Variants in TXNDC12 observed in about 807,000 individuals in gnomAD.
TXNDC12 encodes thioredoxin domain-containing protein 12.
In TXNDC12, 22 loss-of-function variants were observed where a neutral mutation model predicts 24.2. The observed-to-expected ratio is 0.91, with a 90% CI of 0.65 to 1.30. TXNDC12 has a LOEUF of 1.30. Ranked by LOEUF, TXNDC12 falls within the 50% of genes most tolerant of loss-of-function variation. The pLI, the probability that TXNDC12 is intolerant of heterozygous loss-of-function variation, is 0.00. For synonymous variants in TXNDC12, 58 were observed against 73.4 expected, an observed-to-expected ratio of 0.79 and a Z score of 1.07; for missense variants, 184 against 205.8, an observed-to-expected ratio of 0.89 and a Z score of 0.65.
intron 2 of TXNDC12, chr1:52,030,540 A>G (rs1430690815): frequency 6.6e-6 from 1 of 152,196 alleles, no homozygotes; most frequent in Non-Finnish European, 1.5e-5. Context: ...TCCATTTCAC[A>G]CATGAATCCT....
chr1:52,042,769 T>C (rs1452328301), intron 1 of TXNDC12, among the ~76,000 whole-genome samples: 1 of 152,168 alleles, frequency 6.6e-6, no homozygotes, highest in Non-Finnish European at 1.5e-5. Context: ...ATTACAGGCA[T>C]GTGCCACCAA....
chr1:52,025,779 A>G (rs1685663129), intron 4 of TXNDC12, among the ~76,000 whole-genome samples: 1 of 151,740 alleles, frequency 6.6e-6, no homozygotes, highest in Non-Finnish European at 1.5e-5. Flanking sequence ...TTAACTGTTA[A>G]TGTGTTCACA....
intron 1 of TXNDC12, among the ~76,000 whole-genome samples, chr1:52,049,258 C>G (rs970410257): frequency 6.6e-6 from 1 of 152,126 alleles, no homozygotes; most frequent in African/African-American, 2.4e-5. Flanking sequence ...CCAGTACTTC[C>G]CAAGCTGTTC....
At chr1:52,029,959 A>G (rs1685726695) in intron 2 of TXNDC12, among the ~76,000 whole-genome samples, 1 of 152,234 alleles carries the variant, frequency 6.6e-6, no homozygotes, top group Non-Finnish European at 1.5e-5. Flanking sequence ...ATTGTGCTGT[A>G]TATGCATTAT....
chr1:52,046,627 G>A (rs1686094452), intron 1 of TXNDC12, among the ~76,000 whole-genome samples: 1 of 152,078 alleles, frequency 6.6e-6, no homozygotes, highest in African/African-American at 2.4e-5. Flanking sequence ...TGTAATCCCA[G>A]CACTTTTGGA....
At chr1:52,043,009 C>T (rs1686023591) in intron 1 of TXNDC12, among the ~76,000 whole-genome samples, 1 of 152,206 alleles carries the variant, frequency 6.6e-6, no homozygotes, top group Non-Finnish European at 1.5e-5. Flanking sequence ...ATCTGCCAGC[C>T]TCCTCAGCCT....
At chr1:52,027,066 A>G (rs1244705884) in intron 4 of TXNDC12, among the ~76,000 whole-genome samples, 1 of 151,942 alleles carries the variant, frequency 6.6e-6, no homozygotes, top group African/African-American at 2.4e-5. Context: ...ATCTTATTCA[A>G]TCTCTCCTCT....
At chr1:52,023,285 C>T (rs1186082996) in intron 6 of TXNDC12, 3 of 452,570 alleles carry the variant, frequency 6.6e-6, no homozygotes, top group Non-Finnish European at 1.2e-5. Flanking sequence ...TTCTTCACAG[C>T]TGCCTGTGGG....
chr1:52,027,831 CTATTAT>C (rs949994394), intron 3 of TXNDC12, among the ~76,000 whole-genome samples: 2 of 149,504 alleles, frequency 1.3e-5, no homozygotes, highest in African/African-American at 4.9e-5. Context: ...ACATACATTC[CTATTAT>C]TATTATTATT....
intron 2 of TXNDC12, chr1:52,030,400 GTTCT>G (rs1204940623): frequency 6.6e-6 from 1 of 152,184 alleles, no homozygotes; most frequent in Non-Finnish European, 1.5e-5. Context: ...CAAAACCAAT[GTTCT>G]TTCTGACGGT....
At chr1:52,048,793 G>A (rs1374681185) in intron 1 of TXNDC12, among the ~76,000 whole-genome samples, 1 of 152,154 alleles carries the variant, frequency 6.6e-6, no homozygotes, top group East Asian at 1.9e-4. Context: ...GGAGGCAGGG[G>A]TTGCAGTGAG....
chr1:52,024,889 C>A (rs796205303), intron 4 of TXNDC12, among the ~76,000 whole-genome samples: 5 of 152,310 alleles, frequency 3.3e-5, no homozygotes, highest in African/African-American at 1.2e-4. Flanking sequence ...ATGGTTGACT[C>A]CCTTTTCTGT....
chr1:52,026,790 C>A (rs1179281172), intron 4 of TXNDC12, among the ~76,000 whole-genome samples: 1 of 152,098 alleles, frequency 6.6e-6, no homozygotes, highest in Non-Finnish European at 1.5e-5. Context: ...AATCCTAGCA[C>A]TTTGGGAGGC....
rs191228079 is a variant in TXNDC12 at position 52,040,959 on chromosome 1, T to C, written c.158+578A>G. 5.6e-3 allele frequency among the ~76,000 whole-genome samples: 852 copies of C among 151,670 alleles called. 3 individuals are homozygous for C. Among genetic ancestry groups the C allele is most frequent in the South Asian group, 0.024 (113 of 4,798 alleles). On this transcript the variant is annotated intron_variant, in intron 2 of 6. Coordinates refer to ENST00000371626, the MANE Select transcript of TXNDC12 (RefSeq NM_015913.4). Reference sequence around the variant, plus strand: ...AGGCTTGACAAGAATTGCTTGAACCTGGGAGGTGGAGGTTGCAATGAATGA... The same window carrying C: ...AGGCTTGACAAGAATTGCTTGAACCCGGGAGGTGGAGGTTGCAATGAATGA...
In TXNDC12 at chr1:52,023,343, T is replaced by G. The variant is rs1466493344; in HGVS notation, c.439+148A>C. 2.5e-5 allele frequency: 15 copies of G among 596,836 alleles called. No homozygotes were observed. In the East Asian group the frequency reaches 4.4e-4, roughly 17 times the overall value. 37.0% of individuals were successfully genotyped at this position (596,836 alleles called of 1,614,324 possible). A position where few individuals can be genotyped will look rare whatever the true frequency, so the allele number is the denominator to read the frequency against. ...GGGGCTCAGTCTCATCTTCCTCCTA[T>G]ATCCTACACAGGATCTGGCCAAAAG... On this transcript the variant is annotated intron_variant, in intron 6 of 6. Transcript: ENST00000371626.
At chr1:52,030,828 A>G (rs1685740525) in intron 2 of TXNDC12, among the ~76,000 whole-genome samples, 1 of 152,154 alleles carries the variant, frequency 6.6e-6, no homozygotes, top group Non-Finnish European at 1.5e-5. Flanking sequence ...TACATTTTTC[A>G]ATGTTTGCAA....
rs200591679 is a variant in TXNDC12, at chr1:52,024,541, G to A, written c.324C>T (p.Asp108=). Residue 108 remains aspartate (D), a synonymous_variant, in exon 5 of 7, where the codon GAC becomes GAT. Transcript: ENST00000371626. The part of the protein sequence containing the change: ...EEPKDEDFSP[D]GGYIPRILFL... ...AAAGGATTCGTGGAATATAACCCCC[G>A]TCAGGGCTGAAATCTTCATCTTTGG... 8.6e-5 allele frequency: 138 copies of A among 1,612,812 alleles called. No homozygotes were observed. The highest frequency in any genetic ancestry group is 6.7e-5 in the African/African-American group (5 of 74,852).
chr1:52,054,824 C>T (rs969772087), intron 1 of TXNDC12, among the ~76,000 whole-genome samples, 176 bp downstream of exon 1: 11 of 152,150 alleles, frequency 7.2e-5, no homozygotes, highest in African/African-American at 1.4e-4. Flanking sequence ...TCCCCAGACC[C>T]GCTACTCTCT....
chr1:52,046,865 A>AT (rs1686102730), intron 1 of TXNDC12, among the ~76,000 whole-genome samples: 20 of 30,148 alleles, frequency 6.6e-4, no homozygotes, highest in East Asian at 7.1e-3. Flanking sequence ...AAAAAAAAAA[A>AT]AATATATATA....
Sources: allele counts gnomAD v4.1 joint callset (sites outside exome capture counted in the v4.1 genomes callset), GRCh38; gene constraint gnomAD v4.1.1; transcripts MANE v1.5; gene names NCBI Gene and HGNC (gene_info 2026-07-23, HGNC 2026-07-21).